Variants in DGKI observed in about 807,000 individuals in gnomAD.
DGKI encodes the protein diacylglycerol kinase iota, also known as DAG kinase iota.
DGKI carries 55 observed loss-of-function variants against 147.5 expected under a neutral mutation model. The ratio of observed to expected loss-of-function variants is 0.37; its 90% confidence interval spans 0.30 to 0.47. DGKI has a LOEUF of 0.47. DGKI is among the 20% of genes least tolerant of loss of function. The pLI, the probability that DGKI is intolerant of heterozygous loss-of-function variation, is 1.00. For missense variants in DGKI, 1,007 were observed against 1,323.8 expected, an observed-to-expected ratio of 0.76 and a Z score of 3.71; for synonymous variants, 469 against 477.1, an observed-to-expected ratio of 0.98 and a Z score of 0.22.
intron 26 of DGKI, among the ~76,000 whole-genome samples, chr7:137,464,737 A>G (rs976058635): frequency 1.3e-5 from 2 of 152,272 alleles, no homozygotes; most frequent in African/African-American, 2.4e-5. Flanking sequence ...AGTGAAAAAA[A>G]GTAAATCAAG....
intron 1 of DGKI, among the ~76,000 whole-genome samples, chr7:137,691,513 C>T (rs1391095351): frequency 6.6e-6 from 1 of 152,098 alleles, no homozygotes; most frequent in Non-Finnish European, 1.5e-5. Flanking sequence ...ACTCCCATCA[C>T]AAATGAGTCC....
In DGKI at chr7:137,671,426, T is replaced by C. The variant is rs571321893; in HGVS notation, c.606+7131A>G. 5.3e-5 allele frequency among the ~76,000 whole-genome samples: 8 copies of C among 152,330 alleles called. No homozygotes were observed. In the South Asian group the frequency reaches 6.2e-4, roughly 12 times the overall value. Reference sequence around the variant, plus strand: ...ACAGGTGAAGCCATAAGAGTCTTAGTGTTGGAATCATCCCAAATATAAGGC... The same window carrying C: ...ACAGGTGAAGCCATAAGAGTCTTAGCGTTGGAATCATCCCAAATATAAGGC... On this transcript the variant is annotated intron_variant, in intron 3 of 32. Transcript: ENST00000614521.
chr7:137,704,826 A>G (rs1793960216), intron 1 of DGKI, among the ~76,000 whole-genome samples: 1 of 152,210 alleles, frequency 6.6e-6, no homozygotes, highest in Non-Finnish European at 1.5e-5. Flanking sequence ...TGGTTTCTTC[A>G]GAAAATATGG....
intron 20 of DGKI, among the ~76,000 whole-genome samples, chr7:137,547,393 G>A (rs1393495101): frequency 6.6e-6 from 1 of 152,204 alleles, no homozygotes; most frequent in African/African-American, 2.4e-5. Flanking sequence ...TTGCATAAAT[G>A]AAGATCTAGT....
chr7:137,820,786 T>G lies in DGKI; in HGVS notation c.401+25676A>C, dbSNP rs1023255776. On this transcript the variant is annotated intron_variant, in intron 1 of 32. Coordinates refer to ENST00000614521, the MANE Select transcript of DGKI (RefSeq NM_001321708.2). ...AAAGGCAGCCAAGAAATTAGCCAGC[T>G]GGCAGCAACTCTGGAGGTGGGGCTG... Among the ~76,000 whole-genome samples the G allele has an allele frequency of 1.9e-4, 29 of 152,102 alleles. 1 individual carries two copies. The highest frequency in any genetic ancestry group is 1.8e-3 in the Admixed American group (27 of 15,270).
chr7:137,764,419 G>A (rs964660288), intron 1 of DGKI, among the ~76,000 whole-genome samples: 1 of 152,196 alleles, frequency 6.6e-6, no homozygotes, highest in African/African-American at 2.4e-5. Context: ...GATGGCTCCT[G>A]TTTAATTTGT....
chr7:137,682,092 C>T (rs185024781), intron 2 of DGKI, among the ~76,000 whole-genome samples: 2 of 152,224 alleles, frequency 1.3e-5, no homozygotes, highest in East Asian at 3.9e-4. Flanking sequence ...TGAGTATTAA[C>T]AGCTTTCAGG....
At chr7:137,734,408 G>T (rs980572107) in intron 1 of DGKI, among the ~76,000 whole-genome samples, 3 of 152,040 alleles carry the variant, frequency 2.0e-5, no homozygotes, top group Admixed American at 1.3e-4. Flanking sequence ...TTGCGGGTCA[G>T]GAATCTAGGA....
chr7:137,642,970 GTA>G (rs1554447736), intron 6 of DGKI, among the ~76,000 whole-genome samples: 3 of 150,696 alleles, frequency 2.0e-5, no homozygotes, highest in African/African-American at 4.9e-5. Flanking sequence ...GTGTGTGTGT[GTA>G]TGGGGGATGG....
chr7:137,591,042 T>C (rs1819591135), intron 12 of DGKI, among the ~76,000 whole-genome samples: 2 of 152,190 alleles, frequency 1.3e-5, no homozygotes, highest in African/African-American at 4.8e-5. Flanking sequence ...GTGTTCCTAA[T>C]TGTTTTCTCA....
intron 6 of DGKI, among the ~76,000 whole-genome samples, chr7:137,632,820 C>T (rs1170501795): frequency 1.3e-5 from 2 of 151,904 alleles, no homozygotes; most frequent in East Asian, 1.9e-4. Flanking sequence ...GATCATGCCA[C>T]TGAACTCCAG....
chr7:137,601,070 G>C (rs1819971792), intron 10 of DGKI, among the ~76,000 whole-genome samples: 2 of 151,994 alleles, frequency 1.3e-5, no homozygotes, highest in African/African-American at 4.8e-5. Flanking sequence ...AGGAGATTGA[G>C]ACCATCCTGG....
chr7:137,416,361 T>C (rs1449198100), intron 28 of DGKI, among the ~76,000 whole-genome samples: 5 of 152,210 alleles, frequency 3.3e-5, no homozygotes, highest in African/African-American at 2.4e-5. Flanking sequence ...CAATGATACA[T>C]AGATTAATTA....
At chr7:137,395,469 T>G in intron 32 of DGKI, 129 bp downstream of exon 32, 1 of 765,502 alleles carries the variant, frequency 1.3e-6, no homozygotes, top group Non-Finnish European at 2.1e-6. Context: ...TATTTTTTCC[T>G]CCTTTTTCCA....
At chr7:137,583,167 C>A (rs925837948) in intron 14 of DGKI, among the ~76,000 whole-genome samples, 7 of 151,764 alleles carry the variant, frequency 4.6e-5, no homozygotes, top group South Asian at 2.1e-4. Flanking sequence ...AAGGAATGAC[C>A]CCACATGGAA....
At chr7:137,481,776 T>C (rs1815382018) in intron 23 of DGKI, among the ~76,000 whole-genome samples, 1 of 152,076 alleles carries the variant, frequency 6.6e-6, no homozygotes, top group Non-Finnish European at 1.5e-5. Flanking sequence ...TTCTAAATGC[T>C]GCTTTTCTCT....
intron 1 of DGKI, among the ~76,000 whole-genome samples, chr7:137,696,941 A>T (rs1208130418): frequency 6.6e-6 from 1 of 152,148 alleles, no homozygotes; most frequent in Admixed American, 6.5e-5. Flanking sequence ...ACATAGGGAG[A>T]AAGCCATGTG....
At chr7:137,677,572 GT>G (rs748789892) in intron 3 of DGKI, among the ~76,000 whole-genome samples, 51 of 152,178 alleles carry the variant, frequency 3.4e-4, no homozygotes, top group Admixed American at 2.6e-3. Context: ...AGGCAGCCTG[GT>G]TAAAATCGTT....
At chr7:137,730,156 A>G (rs1794833468) in intron 1 of DGKI, among the ~76,000 whole-genome samples, 1 of 152,090 alleles carries the variant, frequency 6.6e-6, no homozygotes, top group Non-Finnish European at 1.5e-5. Context: ...GGCCGCCTAC[A>G]CACCAACTCC....
Sources: allele counts gnomAD v4.1 joint callset (sites outside exome capture counted in the v4.1 genomes callset), GRCh38; gene constraint gnomAD v4.1.1; transcripts MANE v1.5; gene names NCBI Gene and HGNC (gene_info 2026-07-23, HGNC 2026-07-21).